Variants in WNT10A observed in about 807,000 individuals in gnomAD.
WNT10A encodes Wnt family member 10A.
WNT10A carries 37 observed loss-of-function variants against 36.1 expected under a neutral mutation model. The ratio of observed to expected loss-of-function variants is 1.02; its 90% confidence interval spans 0.79 to 1.35. The LOEUF is 1.35. Among genes scored for constraint, WNT10A ranks in the 40% most tolerant of loss-of-function variants. The pLI, the probability that WNT10A is intolerant of heterozygous loss-of-function variation, is 0.00. For synonymous variants in WNT10A, 255 were observed against 254.1 expected, an observed-to-expected ratio of 1.00 and a Z score of -0.03; for missense variants, 613 against 601.4, an observed-to-expected ratio of 1.02 and a Z score of -0.20.
rs777460453 is a variant in WNT10A at position 218,892,919 on chromosome 2, G to A, written c.902G>A (p.Arg301Gln). 2 of 1,508,970 alleles carry A rather than the reference G, an allele frequency of 1.3e-6. No individual in the cohort carries two copies. The highest frequency in any genetic ancestry group is 1.2e-5 in the South Asian group (1 of 80,716). The allele number at this position is 1,508,970 out of a possible 1,614,324, so 93.5% of individuals were successfully genotyped here. A position where few individuals can be genotyped will look rare whatever the true frequency, so the allele number is the denominator to read the frequency against. Reference sequence around the variant, plus strand: ...CGCTTCCACCGCGCCACGCTCATCCGGCCGCACAACCGCAACGGCGGCCAG... The same window carrying A: ...CGCTTCCACCGCGCCACGCTCATCCAGCCGCACAACCGCAACGGCGGCCAG... ...RSRFHRATLIRPHNRNGGQLE... is the reference protein window; with the variant it reads ...RSRFHRATLIQPHNRNGGQLE... Residue 301 changes from arginine (R) to glutamine (Q), a missense_variant, in exon 4 of 4, where the codon CGG becomes CAG. By Grantham distance (43) the Arg-to-Gln change is conservative. Coordinates refer to ENST00000258411, the MANE Select transcript of WNT10A (RefSeq NM_025216.3).
Position 218,881,037 on chromosome 2 carries a change from C to A in WNT10A, c.42C>A (p.Pro14=), listed in dbSNP as rs1168115806. The A allele has an allele frequency of 6.2e-7, 1 of 1,602,350 alleles. No homozygotes were observed. Among genetic ancestry groups the A allele is most frequent in the Non-Finnish European group, 8.5e-7 (1 of 1,174,838 alleles). Residue 14 remains proline, a synonymous_variant, in exon 1 of 4, where the codon CCC becomes CCA. Coordinates refer to ENST00000258411, the MANE Select transcript of WNT10A (RefSeq NM_025216.3). The stretch of plus-strand genomic sequence containing the variant: ...CTCGCCCCTGGCTGCGGCTCCGACC[C>A]CAGCCCCAGCCGCGGCCAGCGCTCT... The part of the protein sequence containing the change: ...AHPRPWLRLR[P]QPQPRPALWV...
upstream of WNT10A, among the ~76,000 whole-genome samples, chr2:218,879,888 G>C (rs992695822): frequency 6.6e-6 from 1 of 152,224 alleles, no homozygotes; most frequent in African/African-American, 2.4e-5. Flanking sequence ...CTCCTCCCAG[G>C]ACGTGCCACC....
chr2:218,892,572 G>C (rs1944665795), intron 3 of WNT10A, among the ~76,000 whole-genome samples: 2 of 152,222 alleles, frequency 1.3e-5, no homozygotes, highest in Non-Finnish European at 2.9e-5. Context: ...GGCCTGGTGG[G>C]AGGTGGGTGG....
intron 2 of WNT10A, among the ~76,000 whole-genome samples, chr2:218,883,501 C>A: frequency 6.6e-6 from 1 of 151,756 alleles, no homozygotes; most frequent in Non-Finnish European, 1.5e-5. Context: ...TCAGGGGCCA[C>A]CCCAGCCTCC....
At chr2:218,879,200 C>T (rs954283181), upstream of WNT10A, among the ~76,000 whole-genome samples, 27 of 152,058 alleles carry the variant, frequency 1.8e-4, no homozygotes, top group African/African-American at 6.3e-4. Flanking sequence ...CTCAGGCCGC[C>T]CCCACCACCT....
upstream of WNT10A, chr2:218,880,802 C>T (rs942697802): frequency 5.8e-6 from 3 of 521,038 alleles, no homozygotes; most frequent in Admixed American, 4.3e-5. This position sits in a 1 kb window ranked among gnomAD's most constrained non-coding sequence, Gnocchi z 7.7. Flanking sequence ...CCGCCCCCCC[C>T]GAGGGCGGTG....
At chr2:218,886,014 C>A (rs993332315) in intron 2 of WNT10A, among the ~76,000 whole-genome samples, 2 of 152,138 alleles carry the variant, frequency 1.3e-5, no homozygotes, top group Non-Finnish European at 2.9e-5. Context: ...GGGAACTTGC[C>A]ATTAGTCACA....
At chr2:218,883,657 G>A (rs1044883786) in intron 2 of WNT10A, among the ~76,000 whole-genome samples, 6 of 150,444 alleles carry the variant, frequency 4.0e-5, no homozygotes, top group Non-Finnish European at 7.4e-5. Flanking sequence ...ACTAATCCCC[G>A]CGGGCCGCGG....
Position 218,890,327 on chromosome 2 carries a change from G to T in WNT10A, c.720G>T (p.Ala240=), listed in dbSNP as rs749960537. ...DSREPHRDIH[A]RMRLHNNRVG... ...GGGAGCCTCACAGAGACATCCACGC[G>T]AGAATGAGGCTTCACAACAACCGAG... The change falls in exon 3 of 4, where the codon GCG becomes GCT. Residue 240 remains alanine (A), a synonymous_variant. Coordinates refer to ENST00000258411, the MANE Select transcript of WNT10A (RefSeq NM_025216.3). 1 of 1,601,374 alleles carries T rather than the reference G, an allele frequency of 6.2e-7. No homozygotes were observed. The highest frequency in any genetic ancestry group is 2.2e-5 in the East Asian group (1 of 44,868).
chr2:218,890,980 G>A (rs1041909364), intron 3 of WNT10A, among the ~76,000 whole-genome samples: 11 of 152,204 alleles, frequency 7.2e-5, no homozygotes, highest in Non-Finnish European at 1.5e-4. Flanking sequence ...ACATAAAAAA[G>A]CAGCAGAAGA....
upstream of WNT10A, among the ~76,000 whole-genome samples, chr2:218,876,785 T>C (rs1458256517): frequency 6.6e-6 from 1 of 152,160 alleles, no homozygotes; most frequent in Non-Finnish European, 1.5e-5. Flanking sequence ...TGCACTTCTC[T>C]CAGAGACCAC....
At chr2:218,886,162 C>T (rs779926886) in intron 2 of WNT10A, among the ~76,000 whole-genome samples, 13 of 152,148 alleles carry the variant, frequency 8.5e-5, no homozygotes, top group Non-Finnish European at 1.6e-4. Flanking sequence ...GAGAGGTGAG[C>T]TGGTGCAATG....
chr2:218,881,275 T>C (rs1269097714), intron 1 of WNT10A, among the ~76,000 whole-genome samples, 167 bp downstream of exon 1: 1 of 151,868 alleles, frequency 6.6e-6, no homozygotes, highest in Non-Finnish European at 1.5e-5. Flanking sequence ...TAGGAGGGGG[T>C]TGGACTGGTG....
chr2:218,882,987 C>T (rs1297398190), intron 2 of WNT10A, among the ~76,000 whole-genome samples: 3 of 152,184 alleles, frequency 2.0e-5, no homozygotes, highest in Non-Finnish European at 4.4e-5. Flanking sequence ...TGTGTGTGTG[C>T]CTGTGTGCAG....
At chr2:218,876,023 G>A (rs565403232), upstream of WNT10A, among the ~76,000 whole-genome samples, 390 of 152,118 alleles carry the variant, frequency 2.6e-3, 4 homozygotes, top group African/African-American at 9.1e-3. Flanking sequence ...CCTCTCCCTC[G>A]CCTCTGCATC....
rs964401766 is a variant in WNT10A, at chr2:218,881,016, C to A, written c.21C>A (p.Arg7=). The A allele has an allele frequency of 1.3e-6, 2 of 1,591,632 alleles. No homozygotes were observed. Among genetic ancestry groups the A allele is most frequent in the Admixed American group, 1.7e-5 (1 of 57,652 alleles). The stretch of plus-strand genomic sequence containing the variant: ...GCGCCATGGGCAGCGCCCACCCTCG[C>A]CCCTGGCTGCGGCTCCGACCCCAGC... The part of the protein sequence containing the change: MGSAHP[R]PWLRLRPQPQ... Residue 7 remains arginine, a synonymous_variant, in exon 1 of 4, where the codon CGC becomes CGA. Coordinates refer to ENST00000258411, the MANE Select transcript of WNT10A (RefSeq NM_025216.3).
chr2:218,882,036 C>CA, intron 1 of WNT10A, 125 bp from the exon 2 acceptor site: 1 of 1,333,248 alleles, frequency 7.5e-7, no homozygotes. Flanking sequence ...CTGATGGGCC[C>CA]AACCTTCAGA....
rs1359228445 is a variant in WNT10A, at chr2:218,893,407, C to G, written c.*136C>G. 7.0e-6 allele frequency: 9 copies of G among 1,282,394 alleles called. No homozygotes were observed. In the East Asian group the frequency reaches 2.0e-4, roughly 29 times the overall value. The allele number at this position is 1,282,394 out of a possible 1,614,324, so 79.4% of individuals were successfully genotyped here. A position where few individuals can be genotyped will look rare whatever the true frequency, so the allele number is the denominator to read the frequency against. On this transcript the variant is annotated 3_prime_UTR_variant, in exon 4 of 4. Transcript: ENST00000258411. This position sits in a 1 kb window ranked among gnomAD's most constrained non-coding sequence, Gnocchi z 6.3. ...TGGACCACATGATCTTATAGGAACCCCTCAGCTCTGAGGTCTGTGATCGCC... is the reference window on the plus strand; with the variant it reads ...TGGACCACATGATCTTATAGGAACCGCTCAGCTCTGAGGTCTGTGATCGCC...
At chr2:218,892,749 C>G (rs753126904) in intron 3 of WNT10A, 25 bp from the exon 4 acceptor site, 2 of 1,567,586 alleles carry the variant, frequency 1.3e-6, no homozygotes, top group East Asian at 4.7e-5. Flanking sequence ...CGCCGTGTCA[C>G]CCCTCACGGT....
Sources: allele counts gnomAD v4.1 joint callset (sites outside exome capture counted in the v4.1 genomes callset), GRCh38; gene constraint gnomAD v4.1.1; non-coding constraint Gnocchi (gnomAD v3.1); transcripts MANE v1.5; gene names NCBI Gene and HGNC (gene_info 2026-07-23, HGNC 2026-07-21).